The following ADAMTS6 variants were observed in gnomAD, a reference collection of about 807,000 sequenced individuals.
ADAMTS6 encodes the protein ADAM metallopeptidase with thrombospondin type 1 motif 6.
A neutral mutation model predicts 144.3 loss-of-function variants in ADAMTS6; 23 were observed. That is an observed-to-expected ratio of 0.16 (90% CI 0.11 to 0.23). The LOEUF (loss-of-function observed/expected upper bound fraction) is 0.23, where lower values mean the gene tolerates loss of function less well. Among genes scored for constraint, ADAMTS6 ranks in the 10% least tolerant of loss-of-function variants. The probability of loss-of-function intolerance (pLI) is 1.00; values close to 1 mark genes in which losing one functional copy is unlikely to be tolerated. For synonymous variants in ADAMTS6, 444 were observed against 457.5 expected (o/e 0.97, Z 0.38); for missense variants, 999 against 1,379.6 (o/e 0.72, Z 4.37).
At chr5:65,338,286 T>C (rs1747497142) in intron 7 of ADAMTS6, among the ~76,000 whole-genome samples, 1 of 152,200 alleles carries the variant, frequency 6.6e-6, no homozygotes, top group Admixed American at 6.5e-5. Context: ...GAAATCAGGG[T>C]TCCACTTTTG....
chr5:65,226,556 T>C (rs573672430), intron 15 of ADAMTS6, among the ~76,000 whole-genome samples: 13 of 152,028 alleles, frequency 8.6e-5, no homozygotes, highest in South Asian at 8.3e-4. Flanking sequence ...GTGAAGGTAA[T>C]TGAATGTTTT....
intron 9 of ADAMTS6, among the ~76,000 whole-genome samples, chr5:65,324,274 C>T (rs1354555730): frequency 6.6e-6 from 1 of 152,072 alleles, no homozygotes; most frequent in Non-Finnish European, 1.5e-5. Flanking sequence ...ACCTATACCT[C>T]CTACTATACA....
At chr5:65,478,224 A>T (rs1436700371) in intron 1 of ADAMTS6, among the ~76,000 whole-genome samples, 1 of 152,202 alleles carries the variant, frequency 6.6e-6, no homozygotes, top group Non-Finnish European at 1.5e-5. Flanking sequence ...AAAGTGAATG[A>T]GTTAACCCAC....
intron 7 of ADAMTS6, among the ~76,000 whole-genome samples, chr5:65,403,063 A>T (rs914670330): frequency 2.0e-5 from 3 of 152,022 alleles, no homozygotes. Context: ...CCCTCCTAAT[A>T]CAATAATGAA....
At chr5:65,460,482 T>C in intron 3 of ADAMTS6, 144 bp from the exon 4 acceptor site, 2 of 732,438 alleles carry the variant, frequency 2.7e-6, no homozygotes, top group Non-Finnish European at 4.3e-6. Flanking sequence ...GAATTATCTG[T>C]ACTCAATTAA....
chr5:65,427,120 T>TA (rs1756601943), intron 7 of ADAMTS6, among the ~76,000 whole-genome samples: 2 of 152,052 alleles, frequency 1.3e-5, no homozygotes, highest in South Asian at 4.1e-4. Context: ...ATACCAACAC[T>TA]ACCTAAAAGA....
chr5:65,445,864 AAAAG>A (rs1290127448), intron 7 of ADAMTS6, among the ~76,000 whole-genome samples: 2 of 152,214 alleles, frequency 1.3e-5, no homozygotes, highest in Non-Finnish European at 2.9e-5. Context: ...TCTCAAGAAA[AAAAG>A]AAAGAAAGGT....
At chr5:65,386,974 A>G (rs2150142418) in intron 7 of ADAMTS6, among the ~76,000 whole-genome samples, 1 of 152,368 alleles carries the variant, frequency 6.6e-6, no homozygotes, top group South Asian at 2.1e-4. Context: ...ATTGAAAAAC[A>G]AAGATGACTT....
In ADAMTS6 at chr5:65,234,403, T is replaced by TA. The variant is rs70983665; in HGVS notation, c.1933+7700dup. ...ATAAGGAACTCATACAACTCAATAGTAAAAAAAAAAAAAATCTAATTAAAA... is the reference window on the plus strand; with the variant it reads ...ATAAGGAACTCATACAACTCAATAGTAAAAAAAAAAAAAAATCTAATTAAAA... On this transcript the variant is annotated intron_variant, in intron 15 of 24. Coordinates refer to ENST00000381055, the MANE Select transcript of ADAMTS6 (RefSeq NM_197941.4). Among the ~76,000 whole-genome samples, 852 of 143,546 alleles carry TA rather than the reference T, an allele frequency of 5.9e-3. 1 individual carries two copies. The highest frequency in any genetic ancestry group is 0.01 in the Non-Finnish European group (663 of 65,764). 94.2% of individuals were successfully genotyped at this position (143,546 alleles called of 152,430 possible).
rs148500010 is a variant in ADAMTS6 at position 65,162,013 on chromosome 5, C to T, written c.3244+8604G>A. Reference sequence around the variant, plus strand: ...ACTTTAGAATAATATTAATAAAAAGCGATTTAGCCAGGTAGATGAAATAAC... The same window carrying T: ...ACTTTAGAATAATATTAATAAAAAGTGATTTAGCCAGGTAGATGAAATAAC... On this transcript the variant is annotated intron_variant, in intron 24 of 24. Transcript: ENST00000381055. Among the ~76,000 whole-genome samples the T allele has an allele frequency of 5.8e-3, 888 of 152,178 alleles. 3 individuals are homozygous for T. Among genetic ancestry groups the T allele is most frequent in the Non-Finnish European group, 8.9e-3 (608 of 67,996 alleles).
intron 9 of ADAMTS6, among the ~76,000 whole-genome samples, chr5:65,302,107 AATATAT>A (rs1200317185): frequency 0.022 from 764 of 34,078 alleles, 14 homozygotes; most frequent in African/African-American, 0.078. Context: ...AAAAAAAAAA[AATATAT>A]ATATATATAT....
chr5:65,171,241 C>T (rs1753609815), intron 23 of ADAMTS6, among the ~76,000 whole-genome samples: 1 of 151,990 alleles, frequency 6.6e-6, no homozygotes, highest in Non-Finnish European at 1.5e-5. Context: ...AATCTCCTGA[C>T]CTCGTGATCT....
At chr5:65,224,146 ACT>A (rs1340027781) in intron 18 of ADAMTS6, among the ~76,000 whole-genome samples, 172 bp downstream of exon 18, 1 of 151,888 alleles carries the variant, frequency 6.6e-6, no homozygotes, top group African/African-American at 2.4e-5. Flanking sequence ...TAAGCTATAA[ACT>A]CTAATTTTTC....
intron 20 of ADAMTS6, among the ~76,000 whole-genome samples, chr5:65,207,771 G>A (rs1209878489): frequency 6.6e-6 from 1 of 152,124 alleles, no homozygotes; most frequent in African/African-American, 2.4e-5. Context: ...TTCAAACAGG[G>A]GCCATATGCC....
intron 22 of ADAMTS6, among the ~76,000 whole-genome samples, chr5:65,179,065 C>T (rs140224833): frequency 0.018 from 2,809 of 152,168 alleles, 87 homozygotes; most frequent in African/African-American, 0.065. Flanking sequence ...CCAGTCACAC[C>T]CGGAAGCTGA....
chr5:65,310,487 T>C (rs1744389343), intron 9 of ADAMTS6, among the ~76,000 whole-genome samples: 2 of 152,172 alleles, frequency 1.3e-5, no homozygotes. Context: ...TTCATGCCAC[T>C]GCACTCTAGC....
intron 18 of ADAMTS6, among the ~76,000 whole-genome samples, chr5:65,220,927 C>G (rs1052494389): frequency 2.6e-5 from 4 of 151,974 alleles, no homozygotes; most frequent in Non-Finnish European, 5.9e-5. Flanking sequence ...TGTTACAGAT[C>G]CTACAGATAT....
In ADAMTS6 at chr5:65,398,797, AAAGAAAGAAAGAAAG is replaced by A. The variant is rs1753607343; in HGVS notation, c.1073+52663_1073+52677del. ...AAGAGAGAGCAAGAAAGAAAGAAAG[AAAGAAAGAAAGAAAG>A]AAAGAAAGAAAGAAAGAAAGAAAGA... On this transcript the variant is annotated intron_variant, in intron 7 of 24. Coordinates refer to ENST00000381055, the MANE Select transcript of ADAMTS6 (RefSeq NM_197941.4). 8.0e-5 allele frequency among the ~76,000 whole-genome samples: 7 copies of A among 87,624 alleles called. No homozygotes were observed. In the South Asian group the frequency reaches 2.9e-3, roughly 37 times the overall value. 57.5% of individuals were successfully genotyped at this position (87,624 alleles called of 152,430 possible). A position where few individuals can be genotyped will look rare whatever the true frequency, so the allele number is the denominator to read the frequency against.
intron 10 of ADAMTS6, among the ~76,000 whole-genome samples, chr5:65,293,475 A>G (rs1742522604): frequency 6.6e-6 from 1 of 152,252 alleles, no homozygotes; most frequent in East Asian, 1.9e-4. Flanking sequence ...TAAAATAATT[A>G]CTTTTAGTAA....
Sources: gnomAD v4.1 joint callset for allele counts (sites outside exome capture counted in the v4.1 genomes callset) on GRCh38, gnomAD v4.1.1 for gene constraint, MANE v1.5 for transcripts, NCBI Gene and HGNC (gene_info 2026-07-23, HGNC 2026-07-21) for gene names.